The following ZC3H12B variants were observed in gnomAD, a reference collection of about 807,000 sequenced individuals.
ZC3H12B encodes probable ribonuclease ZC3H12B.
Under a neutral mutation model 43.9 loss-of-function variants are expected in ZC3H12B, and 7 were observed. The ratio of observed to expected loss-of-function variants is 0.16; its 90% CI spans 0.09 to 0.30. The LOEUF is 0.30. Ranked by LOEUF, ZC3H12B falls within the 10% of genes least tolerant of loss-of-function variation. The probability of loss-of-function intolerance (pLI) is 1.00; values close to 1 mark genes in which losing one functional copy is unlikely to be tolerated. For missense variants in ZC3H12B, 475 were observed against 670.2 expected (o/e 0.71, Z 3.22); for synonymous variants, 222 against 241.7 (o/e 0.92, Z 0.76).
At chrX:65,297,774 G>C in the ZC3H12B span, among the ~76,000 whole-genome samples, 1 of 111,789 alleles carries the variant, frequency 8.9e-6, no homozygotes, top group African/African-American at 3.3e-5. Context: ...CACCAAAACA[G>C]CATGGTACTG....
At chrX:65,250,078 C>T in the ZC3H12B span, among the ~76,000 whole-genome samples, 2 of 110,009 alleles carry the variant, frequency 1.8e-5, no homozygotes, top group Non-Finnish European at 3.8e-5. Context: ...CTAATGCTAT[C>T]CCTCCCCCTC....
chrX:65,070,898 G>A, the ZC3H12B span, among the ~76,000 whole-genome samples: 7 of 99,640 alleles, frequency 7.0e-5, no homozygotes, highest in Non-Finnish European at 1.4e-4. Context: ...TATGCATCAT[G>A]TGGCAATGAA....
chrX:65,214,833 G>A, the ZC3H12B span, among the ~76,000 whole-genome samples: 2 of 111,365 alleles, frequency 1.8e-5, no homozygotes, highest in Non-Finnish European at 3.8e-5. Flanking sequence ...AGCTATAGCT[G>A]TGCAAAATAT....
At chrX:65,170,808 G>T in the ZC3H12B span, among the ~76,000 whole-genome samples, 1 of 111,496 alleles carries the variant, frequency 9.0e-6, no homozygotes, top group Admixed American at 9.6e-5. Context: ...TGATATCCTT[G>T]CTTCCTGTTG....
chrX:65,486,156 C>G (rs772451522), upstream of ZC3H12B, among the ~76,000 whole-genome samples: 17 of 112,494 alleles, frequency 1.5e-4, no homozygotes, highest in African/African-American at 5.2e-4. Context: ...TTGCAAGTAA[C>G]TTAGGTGACC....
the ZC3H12B span, among the ~76,000 whole-genome samples, chrX:65,302,961 C>CA: frequency 2.7e-5 from 3 of 111,076 alleles, no homozygotes; most frequent in East Asian, 2.8e-4. Context: ...GCATGCAACA[C>CA]AAAAAAATCT....
chrX:65,188,996 T>G, the ZC3H12B span, among the ~76,000 whole-genome samples: 4 of 87,357 alleles, frequency 4.6e-5, no homozygotes, highest in Non-Finnish European at 8.7e-5. Flanking sequence ...CCTTCCTGTG[T>G]CCATGTGATC....
chrX:65,407,958 C>G, intron 3 of ZC3H12B: 3 of 834,096 alleles, frequency 3.6e-6, no homozygotes, highest in Non-Finnish European at 5.0e-6. Context: ...CGCCTGCGTG[C>G]GTGGCCACCT....
intron 2 of ZC3H12B, among the ~76,000 whole-genome samples, chrX:65,379,926 G>C (rs1476711750): frequency 8.9e-6 from 1 of 111,753 alleles, no homozygotes; most frequent in East Asian, 2.8e-4. Context: ...AAAAAGAAAT[G>C]AGCAAAGCCT....
intron 3 of ZC3H12B, among the ~76,000 whole-genome samples, chrX:65,423,158 C>T (rs775615404): frequency 1.8e-5 from 2 of 110,210 alleles, no homozygotes; most frequent in African/African-American, 6.6e-5. Context: ...GTCTTGATCT[C>T]CTGACCTTGT....
the ZC3H12B span, among the ~76,000 whole-genome samples, chrX:65,274,671 G>A: frequency 9.1e-6 from 1 of 109,560 alleles, no homozygotes; most frequent in African/African-American, 3.3e-5. Flanking sequence ...GACCAGTGAA[G>A]TGGCTATGTG....
chrX:65,437,519 T>C (rs753705176), intron 3 of ZC3H12B, among the ~76,000 whole-genome samples: 45 of 112,640 alleles, frequency 4.0e-4, no homozygotes, highest in African/African-American at 1.3e-3. Context: ...CATTTTCATA[T>C]GTCTGTTTGG....
the ZC3H12B span, among the ~76,000 whole-genome samples, chrX:65,275,062 A>T: frequency 1.8e-5 from 2 of 112,408 alleles, no homozygotes; most frequent in East Asian, 5.6e-4. Context: ...ACATCCTCAG[A>T]TTACTCAGGC....
the ZC3H12B span, among the ~76,000 whole-genome samples, chrX:65,335,112 A>G: frequency 8.9e-6 from 1 of 112,156 alleles, no homozygotes; most frequent in Non-Finnish European, 1.9e-5. Context: ...GTAATTTCTG[A>G]TACCCCCAAA....
At chrX:65,213,617 G>GT in the ZC3H12B span, among the ~76,000 whole-genome samples, 8 of 110,651 alleles carry the variant, frequency 7.2e-5, no homozygotes, top group Non-Finnish European at 1.3e-4. Flanking sequence ...CACCTTTCTA[G>GT]TTTTTTCTAG....
intron 3 of ZC3H12B, among the ~76,000 whole-genome samples, chrX:65,449,638 T>A (rs904228697): frequency 1.8e-5 from 2 of 110,227 alleles, no homozygotes; most frequent in Non-Finnish European, 3.8e-5. Flanking sequence ...AAAAAAAAAA[T>A]TGATATGTCT....
At chrX:65,254,150 G>A in the ZC3H12B span, among the ~76,000 whole-genome samples, 4 of 111,970 alleles carry the variant, frequency 3.6e-5, no homozygotes, top group African/African-American at 9.7e-5. Context: ...CCCCCCCACT[G>A]CCACTGCTGC....
the ZC3H12B span, among the ~76,000 whole-genome samples, chrX:65,057,098 T>G: frequency 8.9e-6 from 1 of 112,027 alleles, no homozygotes; most frequent in Non-Finnish European, 1.9e-5. Context: ...TTAAGGTTAA[T>G]ATTGTTATGT....
At chrX:65,322,149 C>T in the ZC3H12B span, among the ~76,000 whole-genome samples, 3 of 111,525 alleles carry the variant, frequency 2.7e-5, no homozygotes, top group Non-Finnish European at 5.6e-5. Flanking sequence ...ATCTGTCATG[C>T]AAGGATCACA....
Sources: gnomAD v4.1 joint callset for allele counts (sites outside exome capture counted in the v4.1 genomes callset) on GRCh38, gnomAD v4.1.1 for gene constraint, MANE v1.5 for transcripts, NCBI Gene and HGNC (gene_info 2026-07-23, HGNC 2026-07-21) for gene names.